Variants in MAGI2 observed in about 807,000 individuals in gnomAD.
The protein encoded by MAGI2 is membrane associated guanylate kinase, WW and PDZ domain containing 2.
MAGI2 carries 35 observed loss-of-function variants against 133.3 expected under a neutral mutation model. The observed-to-expected ratio is 0.26, with a 90% CI of 0.20 to 0.35. The LOEUF is 0.35. MAGI2 is among the 10% of genes least tolerant of loss of function. The pLI is 1.00. For missense variants in MAGI2, 1,636 were observed against 1,863.4 expected, an observed-to-expected ratio of 0.88 and a Z score of 2.25; for synonymous variants, 729 against 710.6, an observed-to-expected ratio of 1.03 and a Z score of -0.41.
intron 10 of MAGI2, among the ~76,000 whole-genome samples, chr7:78,219,788 C>T (rs933265579): frequency 3.9e-4 from 60 of 152,128 alleles, no homozygotes; most frequent in African/African-American, 1.2e-3. Context: ...TCCTTGATGT[C>T]GCTGGTATTG....
chr7:78,581,469 G>A (rs780429770), intron 3 of MAGI2, among the ~76,000 whole-genome samples: 2 of 152,208 alleles, frequency 1.3e-5, no homozygotes, highest in African/African-American at 4.8e-5. Flanking sequence ...TTAGAACTTT[G>A]ACTGTAAATC....
At chr7:78,530,963 T>A (rs1418719901) in intron 3 of MAGI2, among the ~76,000 whole-genome samples, 1 of 152,170 alleles carries the variant, frequency 6.6e-6, no homozygotes, top group Non-Finnish European at 1.5e-5. Flanking sequence ...AACTTATTTT[T>A]CAGAAGAGCC....
At chr7:78,862,218 C>T (rs968419947) in intron 2 of MAGI2, among the ~76,000 whole-genome samples, 1 of 152,184 alleles carries the variant, frequency 6.6e-6, no homozygotes, top group East Asian at 1.9e-4. Context: ...TCTTTTACAA[C>T]AGAGTGCTTA....
intron 1 of MAGI2, among the ~76,000 whole-genome samples, chr7:79,279,405 GA>G (rs908623002): frequency 6.6e-6 from 1 of 152,112 alleles, no homozygotes; most frequent in Admixed American, 6.6e-5. Context: ...CTAAGCAAGA[GA>G]AATACATGTG....
At chr7:78,874,880 C>T (rs1795299644) in intron 2 of MAGI2, among the ~76,000 whole-genome samples, 1 of 152,070 alleles carries the variant, frequency 6.6e-6, no homozygotes, top group African/African-American at 2.4e-5. Context: ...TCACATTCTA[C>T]CCCATAAACA....
At chr7:78,785,359 G>T (rs917546681) in intron 2 of MAGI2, among the ~76,000 whole-genome samples, 5 of 152,052 alleles carry the variant, frequency 3.3e-5, no homozygotes, top group Non-Finnish European at 5.9e-5. Flanking sequence ...ATTTTTATTG[G>T]TTTTTACAGC....
chr7:78,906,823 T>C (rs900679730), intron 2 of MAGI2, among the ~76,000 whole-genome samples: 3 of 152,156 alleles, frequency 2.0e-5, no homozygotes, highest in Non-Finnish European at 4.4e-5. Context: ...TGTATATATG[T>C]GTATGCACAC....
intron 2 of MAGI2, among the ~76,000 whole-genome samples, chr7:78,723,979 G>A (rs1056569732): frequency 4.6e-5 from 7 of 152,058 alleles, no homozygotes; most frequent in African/African-American, 1.4e-4. Flanking sequence ...AGGAAAACTG[G>A]GTGATAATGT....
intron 1 of MAGI2, among the ~76,000 whole-genome samples, chr7:79,258,051 C>A (rs1309868889): frequency 6.6e-6 from 1 of 152,082 alleles, no homozygotes; most frequent in Admixed American, 6.5e-5. Context: ...TTTTAAATGT[C>A]TTTGAACATC....
In MAGI2 at chr7:79,048,770, T is replaced by C. The variant is rs1237022251; in HGVS notation, c.302-41564A>G. On this transcript the variant is annotated intron_variant, in intron 1 of 21. Coordinates refer to ENST00000354212, the MANE Select transcript of MAGI2 (RefSeq NM_012301.4). ...GGGCCGATCACTTGAGGTCGGGAGT[T>C]CGAGACCAGCCTGGCCAACAGTGTG... Among the ~76,000 whole-genome samples the C allele has an allele frequency of 3.3e-5, 5 of 152,032 alleles. No homozygotes were observed. The East Asian group carries it at 9.7e-4, about 29-fold the overall frequency.
At position 79,452,970 on chromosome 7, in the gene MAGI2, C is replaced by T. The variant is rs369430346; in HGVS notation, c.301+50G>A. On this transcript the variant is annotated intron_variant, in intron 1 of 21. Transcript: ENST00000354212. ...GGCCACCCTTTCATTGCCCTGCGCC[C>T]CGAGCGGTCCCACCGCCCGGCAAAA... The T allele has an allele frequency of 5.3e-4, 804 of 1,506,170 alleles. 2 individuals carry two copies. Among genetic ancestry groups the T allele is most frequent in the Non-Finnish European group, 4.4e-4 (502 of 1,133,238 alleles). 93.3% of individuals were successfully genotyped at this position (1,506,170 alleles called of 1,614,324 possible). A position where few individuals can be genotyped will look rare whatever the true frequency, so the allele number is the denominator to read the frequency against.
chr7:78,640,138 T>C (rs1022405041), intron 2 of MAGI2, among the ~76,000 whole-genome samples: 1 of 152,172 alleles, frequency 6.6e-6, no homozygotes, highest in Non-Finnish European at 1.5e-5. Flanking sequence ...GTGGTTTTAA[T>C]CTCAGACTAC....
chr7:78,371,484 C>T (rs746646016), intron 6 of MAGI2, among the ~76,000 whole-genome samples: 2 of 152,096 alleles, frequency 1.3e-5, no homozygotes, highest in Non-Finnish European at 2.9e-5. Flanking sequence ...TACAGCCCTA[C>T]TTCTTAATGC....
At chr7:78,460,100 T>A (rs1317856680) in intron 6 of MAGI2, among the ~76,000 whole-genome samples, 2 of 152,226 alleles carry the variant, frequency 1.3e-5, no homozygotes, top group African/African-American at 4.8e-5. Context: ...CAATTACTAT[T>A]CTTCCAATAA....
chr7:79,206,926 A>G (rs575545002), intron 1 of MAGI2, among the ~76,000 whole-genome samples: 1 of 152,110 alleles, frequency 6.6e-6, no homozygotes, highest in Non-Finnish European at 1.5e-5. Context: ...TATATCAACA[A>G]AGGTGAAACA....
intron 1 of MAGI2, among the ~76,000 whole-genome samples, chr7:79,126,914 AG>A (rs1335489062): frequency 1.3e-5 from 2 of 151,966 alleles, no homozygotes; most frequent in Non-Finnish European, 2.9e-5. Context: ...CTCGTCATTT[AG>A]CATTAGGTAT....
intron 1 of MAGI2, among the ~76,000 whole-genome samples, chr7:79,260,736 G>C (rs1000865597): frequency 1.3e-5 from 2 of 152,074 alleles, no homozygotes; most frequent in Non-Finnish European, 2.9e-5. Context: ...TTACCTTCAG[G>C]CTATGCATAT....
intron 2 of MAGI2, among the ~76,000 whole-genome samples, chr7:78,755,945 A>T (rs759322542): frequency 2.0e-5 from 3 of 152,102 alleles, no homozygotes; most frequent in Non-Finnish European, 2.9e-5. Context: ...TTAAATAAAT[A>T]TTTCCTTTTT....
chr7:78,219,040 T>C (rs1788544857), intron 10 of MAGI2, among the ~76,000 whole-genome samples: 1 of 152,176 alleles, frequency 6.6e-6, no homozygotes, highest in East Asian at 1.9e-4. Context: ...CTCTAATGGC[T>C]GCTCTGGCTG....
Sources: gnomAD v4.1 joint callset for allele counts (sites outside exome capture counted in the v4.1 genomes callset) on GRCh38, gnomAD v4.1.1 for gene constraint, MANE v1.5 for transcripts, NCBI Gene and HGNC (gene_info 2026-07-23, HGNC 2026-07-21) for gene names.